BBS9: variants seen among roughly 807,000 people sequenced by gnomAD.
BBS9 encodes Bardet-Biedl syndrome 9, also known as protein PTHB1.
BBS9 carries 89 observed loss-of-function variants against 117.7 expected under a neutral mutation model. The ratio of observed to expected loss-of-function variants is 0.76; its 90% CI spans 0.64 to 0.90. The LOEUF is 0.90. BBS9 is among the 40% of genes least tolerant of loss of function. The probability of loss-of-function intolerance (pLI) is 0.00; values close to 1 mark genes in which losing one functional copy is unlikely to be tolerated. For synonymous variants in BBS9, 379 were observed against 370.9 expected (o/e 1.02, Z -0.25); for missense variants, 982 against 1,042.2 (o/e 0.94, Z 0.80).
intron 21 of BBS9, among the ~76,000 whole-genome samples, chr7:33,581,537 G>C (rs916919124): frequency 6.6e-6 from 1 of 152,124 alleles, no homozygotes; most frequent in African/African-American, 2.4e-5. Context: ...ACTTTGGCTA[G>C]ATCTACTTAC....
chr7:33,498,073 G>C (rs919758861), intron 19 of BBS9, among the ~76,000 whole-genome samples: 8 of 152,156 alleles, frequency 5.3e-5, no homozygotes, highest in African/African-American at 1.9e-4. Context: ...TTATAGGTGA[G>C]AAAACTAAGT....
intron 9 of BBS9, among the ~76,000 whole-genome samples, chr7:33,334,020 C>A (rs6976117): frequency 0.015 from 2,210 of 152,232 alleles, 24 homozygotes; most frequent in Non-Finnish European, 0.021. Context: ...TGAGGGAAGA[C>A]CCTGGCTACT....
chr7:33,495,719 A>G (rs1844614227), intron 19 of BBS9, among the ~76,000 whole-genome samples: 1 of 152,202 alleles, frequency 6.6e-6, no homozygotes, highest in Non-Finnish European at 1.5e-5. Context: ...GGGGGAAAAA[A>G]AGGTAAAAAT....
chr7:33,258,890 A>G (rs964364851), intron 6 of BBS9, among the ~76,000 whole-genome samples: 1 of 152,182 alleles, frequency 6.6e-6, no homozygotes, highest in African/African-American at 2.4e-5. Context: ...ACATTGTTTT[A>G]ACTGTGGTAA....
chr7:33,493,411 C>G (rs1247636007), intron 19 of BBS9, among the ~76,000 whole-genome samples: 14 of 152,166 alleles, frequency 9.2e-5, no homozygotes, highest in Admixed American at 9.2e-4. Flanking sequence ...ACACACAAAT[C>G]TGAAATTCTT....
intron 20 of BBS9, among the ~76,000 whole-genome samples, chr7:33,518,811 G>T (rs1046130528): frequency 2.0e-5 from 3 of 152,140 alleles, no homozygotes; most frequent in Non-Finnish European, 4.4e-5. Flanking sequence ...GATTTGTGCT[G>T]CTCCCCTACT....
chr7:33,143,255 C>T (rs527616434), intron 1 of BBS9, among the ~76,000 whole-genome samples: 1 of 152,276 alleles, frequency 6.6e-6, no homozygotes, highest in Non-Finnish European at 1.5e-5. Flanking sequence ...AGGCCTGAGC[C>T]ACTGTGCCCG....
At chr7:33,432,097 T>G (rs1834569579) in intron 19 of BBS9, among the ~76,000 whole-genome samples, 1 of 151,394 alleles carries the variant, frequency 6.6e-6, no homozygotes, top group Admixed American at 6.6e-5. Flanking sequence ...TTCTTTTTTT[T>G]TTTTTGAGAC....
intron 9 of BBS9, among the ~76,000 whole-genome samples, chr7:33,316,662 C>T (rs59497572): frequency 0.12 from 18,722 of 151,964 alleles, 1,419 homozygotes; most frequent in African/African-American, 0.21. Flanking sequence ...GCATTTTTTT[C>T]GTGGCTTATT....
chr7:33,367,651 A>G, intron 16 of BBS9, 116 bp from the exon 17 acceptor site: 3 of 799,464 alleles, frequency 3.8e-6, no homozygotes, highest in Non-Finnish European at 6.7e-6. Context: ...TCACACATGG[A>G]GTTTATACAT....
At chr7:33,396,601 C>T (rs183831098) in intron 19 of BBS9, among the ~76,000 whole-genome samples, 26 of 152,132 alleles carry the variant, frequency 1.7e-4, no homozygotes, top group African/African-American at 2.4e-4. Flanking sequence ...TATAGATTAA[C>T]GCTATTCCCA....
intron 19 of BBS9, among the ~76,000 whole-genome samples, chr7:33,434,344 AT>A (rs1402322545): frequency 1.3e-5 from 2 of 151,644 alleles, no homozygotes; most frequent in Non-Finnish European, 2.9e-5. Context: ...TTTAATGTGT[AT>A]CTGTCTTTTT....
Position 33,377,376 on chromosome 7 carries a change from G to A in BBS9, c.1790-6290G>A, listed in dbSNP as rs190996390. The stretch of plus-strand genomic sequence containing the variant: ...GGCTCTCTCTTCTGTTCTGTTGGTC[G>A]ATTTGTCTGGTTTTGTACCAGTATC... On this transcript the variant is annotated intron_variant, in intron 17 of 22. Transcript: ENST00000242067. Among the ~76,000 whole-genome samples, 6 of 152,186 alleles carry A rather than the reference G, an allele frequency of 3.9e-5. No homozygotes were observed. In the East Asian group the frequency reaches 7.7e-4, roughly 20 times the overall value.
intron 19 of BBS9, among the ~76,000 whole-genome samples, chr7:33,483,050 A>G (rs1340068097): frequency 6.6e-6 from 1 of 151,854 alleles, no homozygotes; most frequent in Non-Finnish European, 1.5e-5. Flanking sequence ...TTTTAATCTC[A>G]TAGCTTGAAT....
chr7:33,162,494 T>C (rs1795014748), intron 4 of BBS9, among the ~76,000 whole-genome samples: 1 of 151,366 alleles, frequency 6.6e-6, no homozygotes, highest in Admixed American at 6.6e-5. Context: ...GTTTGTGTCC[T>C]CTTTTATTTT....
intron 19 of BBS9, among the ~76,000 whole-genome samples, chr7:33,452,113 C>T (rs535944905): frequency 2.2e-4 from 34 of 152,108 alleles, no homozygotes; most frequent in Non-Finnish European, 4.3e-4. Context: ...GAATTACAGG[C>T]GTGAGCCACT....
At chr7:33,360,396 A>G (rs1384860793) in intron 16 of BBS9, among the ~76,000 whole-genome samples, 1 of 152,106 alleles carries the variant, frequency 6.6e-6, no homozygotes, top group African/African-American at 2.4e-5. Flanking sequence ...AACCTTGCCA[A>G]TAGAGAATCT....
Position 33,552,213 on chromosome 7 carries a change from C to G in BBS9, c.2521+18037C>G, listed in dbSNP as rs368832974. ...TGTCTGTTGACATCAGCTTACTACA[C>G]TATAATATCTGATAGCAGAGACTTT... On this transcript the variant is annotated intron_variant, in intron 21 of 22. Coordinates refer to ENST00000242067, the MANE Select transcript of BBS9 (RefSeq NM_198428.3). 6.1e-4 allele frequency among the ~76,000 whole-genome samples: 93 copies of G among 152,318 alleles called. 1 individual carries two copies. In the Middle Eastern group the frequency reaches 0.01, roughly 17 times the overall value.
At chr7:33,430,303 A>C (rs1278955707) in intron 19 of BBS9, among the ~76,000 whole-genome samples, 1 of 152,158 alleles carries the variant, frequency 6.6e-6, no homozygotes, top group African/African-American at 2.4e-5. Context: ...CAAAAAGAAG[A>C]TCCCAGACTT....
Sources: allele counts gnomAD v4.1 joint callset (sites outside exome capture counted in the v4.1 genomes callset), GRCh38; gene constraint gnomAD v4.1.1; transcripts MANE v1.5; gene names NCBI Gene and HGNC (gene_info 2026-07-23, HGNC 2026-07-21).